Variants in DENND5B observed in about 807,000 individuals in gnomAD.
DENND5B encodes the protein DENN domain containing 5B.
In DENND5B, 34 loss-of-function variants were observed where a neutral mutation model predicts 140.6. That is an observed-to-expected ratio of 0.24 (90% CI 0.18 to 0.32). The LOEUF is 0.32. Among genes scored for constraint, DENND5B ranks in the 10% least tolerant of loss-of-function variants. The pLI is 1.00. For synonymous variants in DENND5B, 551 were observed against 562.1 expected (o/e 0.98, Z 0.28); for missense variants, 1,142 against 1,560.2 (o/e 0.73, Z 4.52).
intron 1 of DENND5B, among the ~76,000 whole-genome samples, chr12:31,525,464 A>T (rs1443804527): frequency 6.6e-6 from 1 of 152,256 alleles, no homozygotes; most frequent in Admixed American, 6.5e-5. Flanking sequence ...GAAATACCAG[A>T]ATAGGCAAAT....
chr12:31,571,788 T>C (rs1166530543), intron 1 of DENND5B, among the ~76,000 whole-genome samples: 1 of 152,172 alleles, frequency 6.6e-6, no homozygotes, highest in Non-Finnish European at 1.5e-5. Flanking sequence ...TGTGTATTTT[T>C]AGTAGAGACA....
At chr12:31,447,438 C>T in intron 6 of DENND5B, 100 bp downstream of exon 6, 1 of 1,121,930 alleles carries the variant, frequency 8.9e-7, no homozygotes, top group Non-Finnish European at 1.2e-6. Context: ...GCCATGAAGT[C>T]TAAAACTGAA....
At chr12:31,429,729 CAG>C (rs2137795681) in intron 8 of DENND5B, among the ~76,000 whole-genome samples, 2 of 151,836 alleles carry the variant, frequency 1.3e-5, no homozygotes, top group African/African-American at 4.8e-5. Context: ...TGTTTTAAAA[CAG>C]AGTCTCACTC....
chr12:31,494,181 T>TATCTATCTATCC (rs1268264034), intron 2 of DENND5B, among the ~76,000 whole-genome samples: 184 of 85,750 alleles, frequency 2.1e-3, no homozygotes, highest in African/African-American at 8.0e-3. Flanking sequence ...TCTATCTATC[T>TATCTATCTATCC]ATCCATCCAT....
intron 3 of DENND5B, among the ~76,000 whole-genome samples, chr12:31,467,065 T>C (rs1221092194): frequency 6.6e-6 from 1 of 151,574 alleles, no homozygotes; most frequent in African/African-American, 2.4e-5. Context: ...CTCAGAGTTC[T>C]AAGAGAAAAA....
At chr12:31,575,132 T>G (rs1949966419) in intron 1 of DENND5B, among the ~76,000 whole-genome samples, 1 of 152,218 alleles carries the variant, frequency 6.6e-6, no homozygotes, top group Non-Finnish European at 1.5e-5. Flanking sequence ...AGATAGGAAA[T>G]AGTTTTAAAC....
At chr12:31,558,126 G>A (rs1360028721) in intron 1 of DENND5B, among the ~76,000 whole-genome samples, 2 of 152,276 alleles carry the variant, frequency 1.3e-5, no homozygotes, top group East Asian at 3.9e-4. Flanking sequence ...CTTGATAACA[G>A]CGCTAGAGAT....
At chr12:31,477,176 C>G (rs891754392) in intron 3 of DENND5B, among the ~76,000 whole-genome samples, 4 of 150,728 alleles carry the variant, frequency 2.7e-5, no homozygotes, top group African/African-American at 9.8e-5. Flanking sequence ...TGCAGTGAGC[C>G]AAGATCATGC....
intron 5 of DENND5B, among the ~76,000 whole-genome samples, chr12:31,451,247 A>T (rs1944505836): frequency 6.6e-6 from 1 of 152,212 alleles, no homozygotes. Context: ...AAGAGTAAAT[A>T]AAACTGTTAT....
intron 3 of DENND5B, among the ~76,000 whole-genome samples, chr12:31,466,680 G>A (rs996761873): frequency 1.4e-5 from 2 of 143,818 alleles, no homozygotes; most frequent in African/African-American, 5.1e-5. Context: ...GCAATAAAGT[G>A]AGACTCTGTC....
intron 1 of DENND5B, among the ~76,000 whole-genome samples, chr12:31,586,640 T>G (rs771276245): frequency 6.6e-6 from 1 of 152,214 alleles, no homozygotes; most frequent in Non-Finnish European, 1.5e-5. Flanking sequence ...ATAAGTTTTA[T>G]TATAAGGTCT....
chr12:31,586,969 T>A (rs1239543896), intron 1 of DENND5B, among the ~76,000 whole-genome samples: 1 of 152,174 alleles, frequency 6.6e-6, no homozygotes, highest in Non-Finnish European at 1.5e-5. Context: ...ACGGAAATAG[T>A]CAAGAAAATT....
intron 2 of DENND5B, among the ~76,000 whole-genome samples, chr12:31,480,506 A>G (rs541076095): frequency 4.3e-4 from 66 of 152,350 alleles, no homozygotes; most frequent in African/African-American, 1.6e-3. Context: ...GGCTTTACTA[A>G]GAACAAGAGA....
chr12:31,553,194 ACATTTAGTG>A (rs1379726834), intron 1 of DENND5B, among the ~76,000 whole-genome samples: 3 of 152,042 alleles, frequency 2.0e-5, no homozygotes, highest in Non-Finnish European at 4.4e-5. Context: ...TCTCTTGTGG[ACATTTAGTG>A]CTATAAATTT....
At chr12:31,413,823 G>T (rs1942589574) in intron 12 of DENND5B, among the ~76,000 whole-genome samples, 1 of 152,078 alleles carries the variant, frequency 6.6e-6, no homozygotes, top group African/African-American at 2.4e-5. Flanking sequence ...ACTCTTTCAG[G>T]CTTTATTATG....
chr12:31,432,148 G>A (rs531698716), intron 8 of DENND5B: 199 of 984,570 alleles, frequency 2.0e-4, no homozygotes, highest in Non-Finnish European at 2.3e-4. Context: ...AAAGTTCCCC[G>A]GAAGGCTAAG....
chr12:31,518,826 T>C (rs1025139223), intron 1 of DENND5B, among the ~76,000 whole-genome samples: 7 of 152,204 alleles, frequency 4.6e-5, no homozygotes, highest in African/African-American at 1.4e-4. Flanking sequence ...TGACAGACTC[T>C]AGCTGCAGCA....
rs1465383215 is a variant in DENND5B at position 31,590,812 on chromosome 12, C to A, written c.21G>T (p.Ala7=). 5.4e-6 allele frequency: 7 copies of A among 1,291,500 alleles called. No homozygotes were observed. Among genetic ancestry groups the A allele is most frequent in the Admixed American group, 4.0e-5 (1 of 25,314 alleles). 80.0% of individuals were successfully genotyped at this position (1,291,500 alleles called of 1,614,324 possible). A position where few individuals can be genotyped will look rare whatever the true frequency, so the allele number is the denominator to read the frequency against. Reference sequence around the variant, plus strand: ...GGGAGGAGCCCGAGCCCGGGCCGGGCGCCGCGCAGCTCCCGCTCATCCCGG... The same window carrying A: ...GGGAGGAGCCCGAGCCCGGGCCGGGAGCCGCGCAGCTCCCGCTCATCCCGG... MSGSCA[A]PGPGSGSSPA... Residue 7 remains alanine, a synonymous_variant, in exon 1 of 21, where the codon GCG becomes GCT. Coordinates refer to ENST00000389082, the MANE Select transcript of DENND5B (RefSeq NM_144973.4).
At chr12:31,447,049 A>G (rs1221150430) in intron 6 of DENND5B, among the ~76,000 whole-genome samples, 1 of 152,166 alleles carries the variant, frequency 6.6e-6, no homozygotes, top group Non-Finnish European at 1.5e-5. Flanking sequence ...AGGAGGGCAG[A>G]TCACCTGAGG....
Sources: allele counts gnomAD v4.1 joint callset (sites outside exome capture counted in the v4.1 genomes callset), GRCh38; gene constraint gnomAD v4.1.1; transcripts MANE v1.5; gene names NCBI Gene and HGNC (gene_info 2026-07-23, HGNC 2026-07-21).